The following SHISA9 variants were observed in gnomAD, a reference collection of about 807,000 sequenced individuals.
SHISA9 encodes shisa family member 9.
In SHISA9, 13 loss-of-function variants were observed where a neutral mutation model predicts 38.0. The observed-to-expected ratio is 0.34, with a 90% CI of 0.22 to 0.54. The LOEUF (loss-of-function observed/expected upper bound fraction) is 0.54. Among genes scored for constraint, SHISA9 ranks in the 20% least tolerant of loss-of-function variants. The pLI is 0.91. For synonymous variants in SHISA9, 275 were observed against 242.0 expected (o/e 1.14, Z -1.27); for missense variants, 538 against 575.8 (o/e 0.93, Z 0.67).
At position 13,139,800 on chromosome 16, in the gene SHISA9, G is replaced by T. The variant is rs532457765; in HGVS notation, c.692-63594G>T. On this transcript the variant is annotated intron_variant, in intron 2 of 4. Coordinates refer to ENST00000558583, the MANE Select transcript of SHISA9 (RefSeq NM_001145204.3). ...AAGTCAGGTTAGAACCTGTTATTTGGCATTGCTCAGCAAGGCAGCTTTAAA... is the reference window on the plus strand; with the variant it reads ...AAGTCAGGTTAGAACCTGTTATTTGTCATTGCTCAGCAAGGCAGCTTTAAA... Among the ~76,000 whole-genome samples the T allele has an allele frequency of 2.6e-5, 4 of 152,190 alleles. No homozygotes were observed. The East Asian group carries it at 7.7e-4, about 29-fold the overall frequency.
chr16:13,235,756 T>A lies in SHISA9; in HGVS notation c.*347T>A, dbSNP rs932068291. ...CCTAACTTGAAACTGAAATCCATGG[T>A]GACAAAATATAAAAGTAGCACAATT... On this transcript the variant is annotated 3_prime_UTR_variant, in exon 5 of 5. Coordinates refer to ENST00000558583, the MANE Select transcript of SHISA9 (RefSeq NM_001145204.3). 7.4e-6 allele frequency: 2 copies of A among 268,564 alleles called. No homozygotes were observed. The highest frequency in any genetic ancestry group is 1.4e-5 in the Non-Finnish European group (2 of 143,090). 16.6% of individuals were successfully genotyped at this position (268,564 alleles called of 1,614,324 possible). A position where few individuals can be genotyped will look rare whatever the true frequency, so the allele number is the denominator to read the frequency against.
chr16:12,929,362 C>T (rs1325929272), intron 2 of SHISA9, among the ~76,000 whole-genome samples: 3 of 152,124 alleles, frequency 2.0e-5, no homozygotes, highest in Non-Finnish European at 4.4e-5. Context: ...CAGCAATATT[C>T]ACAATAGTAA....
At chr16:13,226,119 AG>A (rs1372767453) in intron 4 of SHISA9, among the ~76,000 whole-genome samples, 2 of 152,222 alleles carry the variant, frequency 1.3e-5, no homozygotes, top group Non-Finnish European at 2.9e-5. Context: ...ATACTAAGAC[AG>A]GGACTACACT....
the SHISA9 span, among the ~76,000 whole-genome samples, chr16:13,256,963 C>G: frequency 6.6e-6 from 1 of 152,186 alleles, no homozygotes; most frequent in African/African-American, 2.4e-5. Context: ...TTGCAGGGAA[C>G]TTATAGGCTC....
intron 2 of SHISA9, among the ~76,000 whole-genome samples, chr16:12,989,820 G>C (rs1325949047): frequency 6.6e-6 from 1 of 152,216 alleles, no homozygotes; most frequent in East Asian, 1.9e-4. Flanking sequence ...TGTAGGATGT[G>C]CAGGTTTGTT....
At chr16:13,176,994 G>A (rs1257564747) in intron 2 of SHISA9, among the ~76,000 whole-genome samples, 1 of 152,108 alleles carries the variant, frequency 6.6e-6, no homozygotes, top group Non-Finnish European at 1.5e-5. Context: ...TGATCTTTGA[G>A]GGCTCAGAGC....
intron 1 of SHISA9, among the ~76,000 whole-genome samples, chr16:12,913,491 C>G (rs542336145): frequency 6.6e-6 from 1 of 152,320 alleles, no homozygotes; most frequent in African/African-American, 2.4e-5. Context: ...ACCACTGCAA[C>G]CAGCCCATTT....
chr16:13,515,279 A>G, the SHISA9 span, among the ~76,000 whole-genome samples: 5 of 152,178 alleles, frequency 3.3e-5, no homozygotes, highest in Admixed American at 6.5e-5. Context: ...GTAGAATGAC[A>G]CTAAAATAAA....
In SHISA9 at chr16:13,234,485, G is replaced by A. The variant is rs1596756865; in HGVS notation, c.896-545G>A. On this transcript the variant is annotated intron_variant, in intron 4 of 4. Transcript: ENST00000558583. ...TGCTGGCAGGTGTCACAGTTGAAAT[G>A]TGAATACAGGTCTGGTTTAACTGCT... Among the ~76,000 whole-genome samples the A allele has an allele frequency of 3.9e-5, 6 of 152,302 alleles. 1 individual carries two copies. In the South Asian group the frequency reaches 1.2e-3, roughly 32 times the overall value.
At chr16:13,555,208 C>T in the SHISA9 span, among the ~76,000 whole-genome samples, 1 of 152,138 alleles carries the variant, frequency 6.6e-6, no homozygotes. Context: ...TAGTACAGTG[C>T]TTGGTTATCA....
chr16:13,170,345 C>G (rs1355005824), intron 2 of SHISA9, among the ~76,000 whole-genome samples: 1 of 152,100 alleles, frequency 6.6e-6, no homozygotes, highest in Non-Finnish European at 1.5e-5. Flanking sequence ...ATGGAGTAGA[C>G]AAGATCCCTG....
chr16:13,059,664 CTT>C (rs1047232521), intron 2 of SHISA9, among the ~76,000 whole-genome samples: 5 of 152,150 alleles, frequency 3.3e-5, no homozygotes, highest in African/African-American at 1.2e-4. Context: ...CACATGTAAA[CTT>C]GAACTTAAAA....
intron 2 of SHISA9, among the ~76,000 whole-genome samples, chr16:12,979,368 C>T (rs1329159129): frequency 6.6e-6 from 1 of 150,470 alleles, no homozygotes; most frequent in Non-Finnish European, 1.5e-5. Context: ...TTATGACATA[C>T]TCCCATCGTT....
rs192108635 is a variant in SHISA9, at chr16:13,075,586, T to C, written c.692-127808T>C. 1.2e-3 allele frequency among the ~76,000 whole-genome samples: 180 copies of C among 152,306 alleles called. 1 individual carries two copies. The Middle Eastern group carries it at 0.024, about 20-fold the overall frequency. On this transcript the variant is annotated intron_variant, in intron 2 of 4. Coordinates refer to ENST00000558583, the MANE Select transcript of SHISA9 (RefSeq NM_001145204.3). ...GTTCTGAAAACTCAACCTAAGGCTT[T>C]CTGGATTTGCTGAGCAGGAGCGGCC...
intron 2 of SHISA9, among the ~76,000 whole-genome samples, chr16:12,977,433 A>G (rs1052614085): frequency 2.0e-5 from 3 of 152,216 alleles, no homozygotes; most frequent in African/African-American, 7.2e-5. Flanking sequence ...CTAGAACCAG[A>G]AATGCCATTT....
At chr16:13,360,944 C>A in the SHISA9 span, among the ~76,000 whole-genome samples, 1 of 152,276 alleles carries the variant, frequency 6.6e-6, no homozygotes. Flanking sequence ...ACCAGCTTTT[C>A]ATCCTTCCCC....
intron 2 of SHISA9, among the ~76,000 whole-genome samples, chr16:12,943,322 TGTGTGTGTGAGAGAGAGA>T (rs2071643186): frequency 1.4e-4 from 3 of 22,120 alleles, no homozygotes; most frequent in African/African-American, 4.8e-4. Flanking sequence ...TGTGTGTGTG[TGTGTGTGTGAGAGAGAGA>T]GAGAGAGAGA....
chr16:12,962,772 C>T (rs2071927800), intron 2 of SHISA9, among the ~76,000 whole-genome samples: 1 of 152,202 alleles, frequency 6.6e-6, no homozygotes, highest in South Asian at 2.1e-4. Context: ...ACTAAGACAG[C>T]ATACATTTCC....
chr16:13,037,375 G>A (rs749464620), intron 2 of SHISA9, among the ~76,000 whole-genome samples: 7 of 150,892 alleles, frequency 4.6e-5, no homozygotes, highest in Non-Finnish European at 8.8e-5. Context: ...TCTCTCTCTC[G>A]GTTCTCATAC....
Sources: gnomAD v4.1 joint callset for allele counts (sites outside exome capture counted in the v4.1 genomes callset) on GRCh38, gnomAD v4.1.1 for gene constraint, MANE v1.5 for transcripts, NCBI Gene and HGNC (gene_info 2026-07-23, HGNC 2026-07-21) for gene names.